Variants in PXDNL observed in about 807,000 individuals in gnomAD.
PXDNL encodes the protein peroxidasin like.
A neutral mutation model predicts 150.8 loss-of-function variants in PXDNL; 145 were observed. That is an observed-to-expected ratio of 0.96 (90% CI 0.84 to 1.10). PXDNL has a LOEUF of 1.10. PXDNL is among the 50% of genes least tolerant of loss of function. The probability of loss-of-function intolerance (pLI) is 0.00; values close to 1 mark genes in which losing one functional copy is unlikely to be tolerated. For synonymous variants in PXDNL, 757 were observed against 725.7 expected, an observed-to-expected ratio of 1.04 and a Z score of -0.69; for missense variants, 2,087 against 1,873.9, an observed-to-expected ratio of 1.11 and a Z score of -2.10.
chr8:51,598,293 G>T (rs1315972185), intron 2 of PXDNL, among the ~76,000 whole-genome samples: 1 of 151,974 alleles, frequency 6.6e-6, no homozygotes, highest in Non-Finnish European at 1.5e-5. Flanking sequence ...ATGGGTGTTG[G>T]CTTCCTTGTC....
intron 1 of PXDNL, among the ~76,000 whole-genome samples, chr8:51,706,103 G>A (rs1350440412): frequency 6.6e-6 from 1 of 152,166 alleles, no homozygotes; most frequent in Non-Finnish European, 1.5e-5. Flanking sequence ...CTGAGGTCAG[G>A]AGTTCGTGAC....
chr8:51,721,076 T>C (rs1387505004), intron 1 of PXDNL, among the ~76,000 whole-genome samples: 1 of 152,220 alleles, frequency 6.6e-6, no homozygotes, highest in Non-Finnish European at 1.5e-5. Flanking sequence ...TCTCAGAGCC[T>C]CCTGGCTGAA....
intron 17 of PXDNL, among the ~76,000 whole-genome samples, chr8:51,379,717 A>G (rs1451602648): frequency 1.3e-5 from 2 of 152,130 alleles, no homozygotes; most frequent in African/African-American, 4.8e-5. Context: ...GTACCTTACT[A>G]AAAATTTCTT....
At chr8:51,537,243 G>A (rs998107574) in intron 4 of PXDNL, among the ~76,000 whole-genome samples, 11 of 152,164 alleles carry the variant, frequency 7.2e-5, no homozygotes, top group African/African-American at 2.7e-4. Context: ...AATGTGGGCA[G>A]GCAGTGCCCA....
At chr8:51,477,824 C>T (rs1378082815) in intron 6 of PXDNL, among the ~76,000 whole-genome samples, 2 of 152,116 alleles carry the variant, frequency 1.3e-5, no homozygotes, top group Non-Finnish European at 2.9e-5. Context: ...CTTCCCTTAA[C>T]GCAACCTCAT....
chr8:51,533,788 T>C (rs1411171976), intron 4 of PXDNL, among the ~76,000 whole-genome samples: 1 of 150,488 alleles, frequency 6.6e-6, no homozygotes, highest in Non-Finnish European at 1.5e-5. Context: ...CACTCAGTGC[T>C]CAATGGTGCC....
At chr8:51,370,475 G>GA (rs1563378132) in intron 19 of PXDNL, among the ~76,000 whole-genome samples, 1 of 152,192 alleles carries the variant, frequency 6.6e-6, no homozygotes, top group African/African-American at 2.4e-5. Context: ...GAAGAGGGGG[G>GA]ACTATTTCAT....
chr8:51,475,441 T>C (rs1432519216), intron 6 of PXDNL, among the ~76,000 whole-genome samples: 5 of 152,142 alleles, frequency 3.3e-5, no homozygotes, highest in Admixed American at 2.0e-4. Flanking sequence ...AAATGAATCC[T>C]TATTTGTTTC....
intron 1 of PXDNL, among the ~76,000 whole-genome samples, chr8:51,694,523 C>T (rs899358214): frequency 3.9e-5 from 6 of 152,210 alleles, no homozygotes; most frequent in African/African-American, 1.4e-4. Flanking sequence ...GCTGCTGATG[C>T]CTTAAATCTT....
chr8:51,704,414 A>G (rs1306944997), intron 1 of PXDNL, among the ~76,000 whole-genome samples: 1 of 152,224 alleles, frequency 6.6e-6, no homozygotes, highest in East Asian at 1.9e-4. Context: ...GCTAAGAGTT[A>G]CTTGCTGTTA....
At chr8:51,453,331 TG>T (rs1809850775) in intron 10 of PXDNL, among the ~76,000 whole-genome samples, 187 bp downstream of exon 10, 1 of 152,206 alleles carries the variant, frequency 6.6e-6, no homozygotes, top group Non-Finnish European at 1.5e-5. Context: ...GGATAAAGAT[TG>T]AAGTAGGAAA....
At chr8:51,453,046 C>CT (rs1256259278) in intron 10 of PXDNL, among the ~76,000 whole-genome samples, 1 of 151,900 alleles carries the variant, frequency 6.6e-6, no homozygotes, top group African/African-American at 2.4e-5. Flanking sequence ...GATTGCATGC[C>CT]CATGCATATA....
intron 1 of PXDNL, among the ~76,000 whole-genome samples, chr8:51,658,344 G>GAAAAAAAAAAAAAAAAAAAA (rs34771782): frequency 9.6e-5 from 9 of 94,228 alleles, no homozygotes; most frequent in East Asian, 6.0e-4. Flanking sequence ...CCTGTCTCAA[G>GAAAAAAAAAAAAAAAAAAAA]AAAAAAAAAA....
intron 1 of PXDNL, among the ~76,000 whole-genome samples, chr8:51,800,652 T>C (rs1477457497): frequency 6.6e-6 from 1 of 152,216 alleles, no homozygotes; most frequent in African/African-American, 2.4e-5. Context: ...TATGGACACA[T>C]ATCAGTTCCC....
chr8:51,658,909 T>G (rs375319315), intron 1 of PXDNL, among the ~76,000 whole-genome samples: 14 of 152,304 alleles, frequency 9.2e-5, no homozygotes, highest in African/African-American at 1.7e-4. Flanking sequence ...CTGACAGACA[T>G]TTTGGTTGTT....
intron 4 of PXDNL, among the ~76,000 whole-genome samples, chr8:51,543,946 TGAG>T (rs1281343365): frequency 3.3e-5 from 5 of 152,218 alleles, no homozygotes; most frequent in Non-Finnish European, 7.4e-5. Flanking sequence ...AAATTGTAGA[TGAG>T]GAATAACTGA....
At chr8:51,651,518 C>T (rs929078249) in intron 2 of PXDNL, among the ~76,000 whole-genome samples, 3 of 152,154 alleles carry the variant, frequency 2.0e-5, no homozygotes, top group Admixed American at 6.5e-5. Flanking sequence ...TCCCTTTTGA[C>T]GTTCTTCTCA....
At chr8:51,563,733 G>A (rs1812761093) in intron 3 of PXDNL, among the ~76,000 whole-genome samples, 1 of 151,882 alleles carries the variant, frequency 6.6e-6, no homozygotes, top group Non-Finnish European at 1.5e-5. Flanking sequence ...ATTCACAGTT[G>A]ATACACACCC....
At chr8:51,756,409 G>GAAAAAA (rs2037102451) in intron 1 of PXDNL, among the ~76,000 whole-genome samples, 1 of 131,804 alleles carries the variant, frequency 7.6e-6, no homozygotes. Context: ...AAAAAAAAAG[G>GAAAAAA]AAAGAAAGAG....
Sources: allele counts gnomAD v4.1 joint callset (sites outside exome capture counted in the v4.1 genomes callset), GRCh38; gene constraint gnomAD v4.1.1; transcripts MANE v1.5; gene names NCBI Gene and HGNC (gene_info 2026-07-23, HGNC 2026-07-21).